PGR: variants seen among roughly 807,000 people sequenced by gnomAD.
PGR encodes the protein nuclear receptor subfamily 3 group C member 3.
In PGR, 25 loss-of-function variants were observed where a neutral mutation model predicts 76.1. The observed-to-expected ratio is 0.33, with a 90% confidence interval of 0.24 to 0.46. PGR has a LOEUF of 0.46. Ranked by LOEUF, PGR falls within the 20% of genes least tolerant of loss-of-function variation. PGR has a pLI of 1.00. For missense variants in PGR, 1,172 were observed against 1,225.3 expected, an observed-to-expected ratio of 0.96 and a Z score of 0.65; for synonymous variants, 579 against 535.0, an observed-to-expected ratio of 1.08 and a Z score of -1.14.
Position 101,128,119 on chromosome 11 carries a change from C to A in PGR, c.952G>T (p.Ala318Ser). The A allele has an allele frequency of 6.3e-7, 1 of 1,598,630 alleles. No homozygotes were observed. ...TCTTCCAGCAGCTGCCGAGTGCGGG[C>A]TGCCAATAAGGCGTGATTGAGAGGC... ...ILPLNHALLA[A>S]RTRQLLEDES... Residue 318 changes from alanine to serine, a missense_variant, in exon 1 of 8, where the codon GCC becomes TCC. Ala to Ser is a moderately conservative substitution (Grantham distance 99). Transcript: ENST00000325455.
intron 3 of PGR, among the ~76,000 whole-genome samples, chr11:101,081,688 T>C (rs1861312934): frequency 6.6e-6 from 1 of 152,134 alleles, no homozygotes; most frequent in Non-Finnish European, 1.5e-5. Flanking sequence ...AATAAAATCT[T>C]TTCCAGGCAA....
At position 101,032,105 on chromosome 11, in the gene PGR, C is replaced by CA; in HGVS notation, c.*7010dup. The CA allele has an allele frequency of 8.6e-6, 2 of 232,746 alleles. No homozygotes were observed. Among genetic ancestry groups the CA allele is most frequent in the Non-Finnish European group, 1.7e-5 (2 of 117,788 alleles). The allele number at this position is 232,746 out of a possible 1,614,324, so 14.4% of individuals were successfully genotyped here. ...AAAATTTGTAATTTCAACACATAAG[C>CA]AAAATAATTAGACATCTGGCCTTGT... is the stretch of plus-strand genomic sequence containing the variant. On this transcript the variant is annotated 3_prime_UTR_variant, in exon 8 of 8. Coordinates refer to ENST00000325455, the MANE Select transcript of PGR (RefSeq NM_000926.4).
At chr11:101,112,396 C>A (rs980995148) in intron 2 of PGR, among the ~76,000 whole-genome samples, 2 of 152,024 alleles carry the variant, frequency 1.3e-5, no homozygotes, top group African/African-American at 4.8e-5. Context: ...GTCCTTGAGT[C>A]AGCAGGAGTA....
intron 7 of PGR, among the ~76,000 whole-genome samples, chr11:101,039,890 G>C (rs1741362424): frequency 6.6e-6 from 1 of 151,836 alleles, no homozygotes; most frequent in Non-Finnish European, 1.5e-5. Context: ...TGTGTCTTTT[G>C]ATATTTCTAT....
intron 2 of PGR, among the ~76,000 whole-genome samples, chr11:101,123,705 AT>A (rs1862750436): frequency 6.6e-6 from 1 of 152,194 alleles, no homozygotes; most frequent in Admixed American, 6.5e-5. Context: ...CTTCTTCATC[AT>A]TCAAGAATAT....
chr11:101,127,455 G>A lies in PGR; in HGVS notation c.1616C>T (p.Pro539Leu), dbSNP rs745472229. 6.4e-7 allele frequency: 1 copy of A among 1,559,458 alleles called. No homozygotes were observed. Residue 539 changes from proline to leucine, a missense_variant, in exon 1 of 8, where the codon CCG becomes CTG. Pro to Leu is a moderately conservative substitution (Grantham distance 98, BLOSUM62 -3). Coordinates refer to ENST00000325455, the MANE Select transcript of PGR (RefSeq NM_000926.4). ...TCACCTCAGGTAGTTGAGATAGGGC[G>A]GGTAGACCTGCGGCAGGCCCTCCTT... is the stretch of plus-strand genomic sequence containing the variant. ...VLKEGLPQVYPPYLNYLRPDS... is the reference protein window; with the variant it reads ...VLKEGLPQVYLPYLNYLRPDS...
chr11:101,115,379 C>T (rs1362096234), intron 2 of PGR, among the ~76,000 whole-genome samples: 2 of 152,044 alleles, frequency 1.3e-5, no homozygotes, highest in Non-Finnish European at 2.9e-5. Context: ...GGGATAAACT[C>T]CATGATTGAA....
intron 2 of PGR, among the ~76,000 whole-genome samples, chr11:101,115,166 CCTT>C (rs1862462733): frequency 6.6e-6 from 1 of 151,968 alleles, no homozygotes; most frequent in Non-Finnish European, 1.5e-5. Context: ...GCCAAATTGT[CCTT>C]CTGCTCAGTC....
At chr11:101,065,235 C>T (rs1860672053) in intron 3 of PGR, among the ~76,000 whole-genome samples, 1 of 152,144 alleles carries the variant, frequency 6.6e-6, no homozygotes, top group African/African-American at 2.4e-5. Context: ...CTGCTAACTA[C>T]ACAGTGGACT....
intron 3 of PGR, among the ~76,000 whole-genome samples, chr11:101,070,732 A>G (rs1453534510): frequency 6.6e-6 from 1 of 152,200 alleles, no homozygotes; most frequent in Non-Finnish European, 1.5e-5. Flanking sequence ...GGCAGAGCCC[A>G]CTGCAGCATG....
At chr11:101,056,108 A>G (rs1009919119) in intron 4 of PGR, among the ~76,000 whole-genome samples, 1 of 152,156 alleles carries the variant, frequency 6.6e-6, no homozygotes, top group Non-Finnish European at 1.5e-5. Flanking sequence ...CAAAGATGGG[A>G]ACACAGAGAT....
chr11:101,036,720 G>A lies in PGR; in HGVS notation c.*2396C>T, dbSNP rs11571286. On this transcript the variant is annotated 3_prime_UTR_variant, in exon 8 of 8. Transcript: ENST00000325455. ...TACATTGCAGACAGAGATCAACATCGAAGATATCAAACATTTTAACAAAAG... is the reference window on the plus strand; with the variant it reads ...TACATTGCAGACAGAGATCAACATCAAAGATATCAAACATTTTAACAAAAG... 1,318 of 201,612 alleles carry A rather than the reference G, an allele frequency of 6.5e-3. 12 individuals are homozygous for A. Among genetic ancestry groups the A allele is most frequent in the African/African-American group, 0.029 (1,266 of 43,658 alleles). 12.5% of individuals were successfully genotyped at this position (201,612 alleles called of 1,614,324 possible).
intron 3 of PGR, 133 bp from the exon 4 acceptor site, chr11:101,062,885 G>GTGTT: frequency 1.9e-6 from 1 of 539,938 alleles, no homozygotes; most frequent in South Asian, 2.8e-5. Flanking sequence ...TAGAATAAAA[G>GTGTT]TGTTAGATAT....
chr11:101,105,601 T>G (rs926482193), intron 2 of PGR, among the ~76,000 whole-genome samples: 2 of 151,230 alleles, frequency 1.3e-5, no homozygotes, highest in Non-Finnish European at 2.9e-5. Flanking sequence ...TGGAAAAACA[T>G]TCCATGCTCA....
chr11:101,063,725 A>G (rs910079566), intron 3 of PGR: 1 of 152,240 alleles, frequency 6.6e-6, no homozygotes, highest in African/African-American at 2.4e-5. Flanking sequence ...TGCTGGCTCT[A>G]GTATCTGATC....
chr11:101,090,113 G>A (rs527703499), intron 3 of PGR, among the ~76,000 whole-genome samples: 24 of 152,120 alleles, frequency 1.6e-4, no homozygotes, highest in African/African-American at 4.1e-4. Context: ...CAGGAGAATC[G>A]CTGGAACCTG....
At chr11:101,068,750 C>CAAAA (rs141613454) in intron 3 of PGR, among the ~76,000 whole-genome samples, 55 of 151,052 alleles carry the variant, frequency 3.6e-4, no homozygotes, top group African/African-American at 5.6e-4. Context: ...CAAACCTGAC[C>CAAAA]AAAAAAAACA....
intron 3 of PGR, among the ~76,000 whole-genome samples, chr11:101,067,034 A>C (rs550583560): frequency 6.6e-6 from 1 of 152,258 alleles, no homozygotes; most frequent in South Asian, 2.1e-4. Flanking sequence ...AATTCATATC[A>C]AGCTCTACAA....
At chr11:101,046,600 T>C (rs1373175581) in intron 6 of PGR, among the ~76,000 whole-genome samples, 2 of 152,032 alleles carry the variant, frequency 1.3e-5, no homozygotes, top group African/African-American at 4.8e-5. Flanking sequence ...AATCTTCTCC[T>C]TGCATTTATT....
Sources: allele counts gnomAD v4.1 joint callset (sites outside exome capture counted in the v4.1 genomes callset), GRCh38; gene constraint gnomAD v4.1.1; transcripts MANE v1.5; gene names NCBI Gene and HGNC (gene_info 2026-07-23, HGNC 2026-07-21).